C8orf34: variants seen among roughly 807,000 people sequenced by gnomAD.
C8orf34 encodes chromosome 8 open reading frame 34, also known as uncharacterized protein C8orf34.
A neutral mutation model predicts 68.3 loss-of-function variants in C8orf34; 65 were observed. The ratio of observed to expected loss-of-function variants is 0.95; its 90% CI spans 0.78 to 1.17. The LOEUF (loss-of-function observed/expected upper bound fraction) is 1.17, where lower values mean the gene tolerates loss of function less well. C8orf34 is among the 50% of genes most tolerant of loss of function. C8orf34 has a pLI of 0.00. For synonymous variants in C8orf34, 244 were observed against 241.2 expected (o/e 1.01, Z -0.11); for missense variants, 664 against 655.4 (o/e 1.01, Z -0.14).
At chr8:68,396,613 G>A (rs1808718606) in intron 1 of C8orf34, among the ~76,000 whole-genome samples, 2 of 143,548 alleles carry the variant, frequency 1.4e-5, no homozygotes, top group African/African-American at 2.6e-5. Flanking sequence ...AGTGGGAGGT[G>A]TTTGGGCAAT....
At chr8:68,617,823 T>C (rs1478368172) in intron 7 of C8orf34, among the ~76,000 whole-genome samples, 4 of 152,310 alleles carry the variant, frequency 2.6e-5, no homozygotes, top group Middle Eastern at 6.8e-3. Flanking sequence ...TGAATCTGAA[T>C]GTTGGCCTGC....
In C8orf34 at chr8:68,779,049, C is replaced by T. The variant is rs956826838; in HGVS notation, c.1455+2600C>T. 4.0e-5 allele frequency among the ~76,000 whole-genome samples: 6 copies of T among 151,830 alleles called. No individual in the cohort carries two copies. In the South Asian group the frequency reaches 6.2e-4, roughly 16 times the overall value. On this transcript the variant is annotated intron_variant, in intron 11 of 13. Transcript: ENST00000518698. ...AAAATTAGGCAGGCATAGTGGCACA[C>T]ACCTATAGTCTCAGCTCTTCAGGAA...
rs977169418 is a variant in C8orf34, at chr8:68,583,748, C to T, written c.1105+50599C>T. On this transcript the variant is annotated intron_variant, in intron 7 of 13. Transcript: ENST00000518698. ...AAATGGCGAAAGAGTATAAACAATG[C>T]TTTTTTTTCAAATTAGAGCAAATTT... 7.9e-5 allele frequency among the ~76,000 whole-genome samples: 12 copies of T among 151,864 alleles called. No individual in the cohort carries two copies. The South Asian group carries it at 1.5e-3, about 18-fold the overall frequency.
At chr8:68,535,838 G>A (rs571455888) in intron 7 of C8orf34, 1 of 978,188 alleles carries the variant, frequency 1.0e-6, no homozygotes, top group African/African-American at 1.7e-5. Flanking sequence ...GAATTTTTAA[G>A]ATATAATCAT....
chr8:68,427,213 A>G (rs141913357), intron 1 of C8orf34, among the ~76,000 whole-genome samples: 171 of 152,324 alleles, frequency 1.1e-3, no homozygotes, highest in African/African-American at 4.0e-3. Context: ...ATGAAACCTC[A>G]TGTGTACAAA....
chr8:68,626,735 G>C (rs1276430098), intron 7 of C8orf34, among the ~76,000 whole-genome samples: 1 of 152,044 alleles, frequency 6.6e-6, no homozygotes, highest in Non-Finnish European at 1.5e-5. Context: ...TTGACACAGG[G>C]GCTGTAGAAG....
At chr8:68,790,346 A>G (rs994503215) in intron 12 of C8orf34, among the ~76,000 whole-genome samples, 1 of 152,220 alleles carries the variant, frequency 6.6e-6, no homozygotes, top group Non-Finnish European at 1.5e-5. Flanking sequence ...GGAAGATGAC[A>G]AGTTTATCAT....
chr8:68,432,219 T>G (rs28377624), intron 1 of C8orf34, among the ~76,000 whole-genome samples: 6 of 150,108 alleles, frequency 4.0e-5, no homozygotes, highest in Admixed American at 1.3e-4. Flanking sequence ...TTATGCATCT[T>G]GTATGCAATT....
intron 1 of C8orf34, among the ~76,000 whole-genome samples, chr8:68,362,288 CAT>C (rs1309917886): frequency 7.2e-5 from 11 of 152,290 alleles, no homozygotes; most frequent in Non-Finnish European, 7.3e-5. Flanking sequence ...TTATTAAACT[CAT>C]AGAGTTTATA....
At chr8:68,501,119 G>A (rs1255692745) in intron 5 of C8orf34, among the ~76,000 whole-genome samples, 1 of 152,130 alleles carries the variant, frequency 6.6e-6, no homozygotes. Flanking sequence ...TCTCCTAAGA[G>A]TAATATCAAG....
chr8:68,492,034 C>G (rs1813335379), intron 5 of C8orf34, among the ~76,000 whole-genome samples: 1 of 152,114 alleles, frequency 6.6e-6, no homozygotes, highest in Non-Finnish European at 1.5e-5. Flanking sequence ...CTCCTGGCTC[C>G]CTCATTCTTT....
chr8:68,814,742 CT>C (rs1332303274), intron 12 of C8orf34, among the ~76,000 whole-genome samples: 2 of 152,046 alleles, frequency 1.3e-5, no homozygotes, highest in Admixed American at 6.6e-5. Context: ...AAAATCCATG[CT>C]TTTTTTCCAT....
At chr8:68,426,035 A>G (rs1035363970) in intron 1 of C8orf34, among the ~76,000 whole-genome samples, 9 of 152,194 alleles carry the variant, frequency 5.9e-5, no homozygotes, top group African/African-American at 2.2e-4. Context: ...TGGGTCATTG[A>G]CTTTAAAGTA....
chr8:68,551,862 A>G (rs1451253899), intron 7 of C8orf34, among the ~76,000 whole-genome samples: 1 of 152,120 alleles, frequency 6.6e-6, no homozygotes, highest in Non-Finnish European at 1.5e-5. Context: ...TAACTCTTAC[A>G]TTTATGCCCA....
chr8:68,787,354 G>A (rs888267134), intron 11 of C8orf34, 89 bp from the exon 12 acceptor site: 8 of 726,520 alleles, frequency 1.1e-5, no homozygotes, highest in Admixed American at 5.9e-5. Flanking sequence ...TTTTGAAGAT[G>A]CAGTTCATAA....
intron 10 of C8orf34, among the ~76,000 whole-genome samples, chr8:68,773,635 C>T (rs1156783331): frequency 6.6e-6 from 1 of 152,032 alleles, no homozygotes; most frequent in African/African-American, 2.4e-5. Flanking sequence ...ATCCACCTGC[C>T]TCGGCATCCC....
At chr8:68,350,283 G>A (rs1465231067) in intron 1 of C8orf34, among the ~76,000 whole-genome samples, 2 of 151,190 alleles carry the variant, frequency 1.3e-5, no homozygotes, top group African/African-American at 4.9e-5. Context: ...TTATTGTGCT[G>A]TGGTCATAGA....
intron 7 of C8orf34, among the ~76,000 whole-genome samples, chr8:68,600,969 C>T (rs1012596446): frequency 5.9e-5 from 9 of 152,238 alleles, no homozygotes; most frequent in South Asian, 2.1e-4. Context: ...TCTATCTTCA[C>T]GAGATTAACT....
chr8:68,658,247 G>A (rs1585684625), intron 8 of C8orf34, among the ~76,000 whole-genome samples: 1 of 152,030 alleles, frequency 6.6e-6, no homozygotes, highest in African/African-American at 2.4e-5. Flanking sequence ...AATACTCCAT[G>A]GGTAGTAAAC....
Sources: allele counts gnomAD v4.1 joint callset (sites outside exome capture counted in the v4.1 genomes callset), GRCh38; gene constraint gnomAD v4.1.1; transcripts MANE v1.5; gene names NCBI Gene and HGNC (gene_info 2026-07-23, HGNC 2026-07-21).